IL1R2: variants seen among roughly 807,000 people sequenced by gnomAD.
The protein encoded by IL1R2 is interleukin-1 receptor type 2.
Under a neutral mutation model 39.5 loss-of-function variants are expected in IL1R2, and 46 were observed. The ratio of observed to expected loss-of-function variants is 1.16; its 90% CI spans 0.92 to 1.49. The LOEUF (loss-of-function observed/expected upper bound fraction) is 1.49, where lower values mean the gene tolerates loss of function less well. IL1R2 is among the 40% of genes most tolerant of loss of function. The pLI, the probability that IL1R2 is intolerant of heterozygous loss-of-function variation, is 0.00. For missense variants in IL1R2, 537 were observed against 502.0 expected (o/e 1.07, Z -0.67); for synonymous variants, 207 against 189.6 (o/e 1.09, Z -0.75).
At chr2:102,016,998 G>A (rs149772365) in intron 4 of IL1R2, among the ~76,000 whole-genome samples, 123 of 152,244 alleles carry the variant, frequency 8.1e-4, no homozygotes, top group African/African-American at 2.8e-3. Context: ...TGAAGACAGA[G>A]TACATAACAG....
intron 6 of IL1R2, among the ~76,000 whole-genome samples, chr2:102,024,268 G>A (rs948530303): frequency 1.8e-4 from 27 of 152,176 alleles, no homozygotes; most frequent in African/African-American, 6.5e-4. Flanking sequence ...CCGTGGGAGC[G>A]CAGGGGCCCT....
chr2:101,993,436 G>C (rs772124332), intron 1 of IL1R2, among the ~76,000 whole-genome samples: 1 of 152,160 alleles, frequency 6.6e-6, no homozygotes, highest in Non-Finnish European at 1.5e-5. Flanking sequence ...GGGGAAGAAG[G>C]TCATGAGTGA....
At chr2:102,015,765 A>G in intron 3 of IL1R2, 106 bp from the exon 4 acceptor site, 1 of 897,248 alleles carries the variant, frequency 1.1e-6, no homozygotes, top group Non-Finnish European at 1.7e-6. Flanking sequence ...TAATCCAGAA[A>G]ATGCAGATGC....
At position 102,019,959 on chromosome 2, in the gene IL1R2, G is replaced by T. The variant is rs183698733; in HGVS notation, c.688+147G>T. 149 of 665,226 alleles carry T rather than the reference G, an allele frequency of 2.2e-4. No individual in the cohort carries two copies. In the East Asian group the frequency reaches 3.9e-3, roughly 17 times the overall value. The allele number at this position is 665,226 out of a possible 1,614,324, so 41.2% of individuals were successfully genotyped here. On this transcript the variant is annotated intron_variant, in intron 5 of 8. Transcript: ENST00000332549. ...TCCATCAGCTCTCCTGAAGCATCAG[G>T]TTAATAAGACGTGTGTGATACTTTG...
At chr2:102,001,854 C>T (rs778605875) in intron 1 of IL1R2, 5 of 152,088 alleles carry the variant, frequency 3.3e-5, no homozygotes, top group Non-Finnish European at 5.9e-5. Context: ...AAAACATGTT[C>T]GGGCTCCTAG....
At chr2:102,028,044 A>G (rs892424580) in intron 8 of IL1R2, among the ~76,000 whole-genome samples, 182 bp from the exon 9 acceptor site, 1 of 152,230 alleles carries the variant, frequency 6.6e-6, no homozygotes, top group African/African-American at 2.4e-5. Context: ...CTCTAATGCC[A>G]CAGACATCAC....
chr2:102,008,527 T>C lies in IL1R2; in HGVS notation c.-49T>C, dbSNP rs563589130. The C allele has an allele frequency of 6.7e-7, 1 of 1,485,564 alleles. No individual in the cohort carries two copies. Among genetic ancestry groups the C allele is most frequent in the South Asian group, 1.1e-5 (1 of 88,526 alleles). 92.0% of individuals were successfully genotyped at this position (1,485,564 alleles called of 1,614,324 possible). On this transcript the variant is annotated 5_prime_UTR_variant, in exon 2 of 9. Transcript: ENST00000332549. ...TTTCCTCCCCTAGGCCACGTGCTGC[T>C]GGGTCTCAGTCCTCCACTTCCCGTG...
At position 102,026,217 on chromosome 2, in the gene IL1R2, C is replaced by A. The variant is rs929117282; in HGVS notation, c.994C>A (p.Leu332Met). ...TTTTAAATGTGTTGTCCATAATACC[C>A]TGAGTTTTCAGACACTACGCACCAC... ...MDFKCVVHNT[L>M]SFQTLRTTVK... Residue 332 changes from leucine (L) to methionine (M), a missense_variant, in exon 8 of 9, where the codon CTG becomes ATG. By Grantham distance (15) the Leu-to-Met change is conservative. Transcript: ENST00000332549. 9 of 1,613,168 alleles carry A rather than the reference C, an allele frequency of 5.6e-6. No individual in the cohort carries two copies. Among genetic ancestry groups the A allele is most frequent in the African/African-American group, 4.0e-5 (3 of 74,880 alleles).
rs573298179 is a variant in IL1R2, at chr2:102,019,923, C to T, written c.688+111C>T. ...TGCAGGTCTTTGGAATGAAGGATAA[C>T]GGAAAACAGATCCATCAGCTCTCCT... On this transcript the variant is annotated intron_variant, in intron 5 of 8. Coordinates refer to ENST00000332549, the MANE Select transcript of IL1R2 (RefSeq NM_004633.4). 2.5e-4 allele frequency: 219 copies of T among 863,136 alleles called. 2 individuals carry two copies. In the South Asian group the frequency reaches 2.9e-3, roughly 11 times the overall value. The allele number at this position is 863,136 out of a possible 1,614,324, so 53.5% of individuals were successfully genotyped here.
chr2:102,018,861 T>G (rs1312959133), intron 4 of IL1R2, among the ~76,000 whole-genome samples: 1 of 152,212 alleles, frequency 6.6e-6, no homozygotes, highest in Non-Finnish European at 1.5e-5. Context: ...TCCTTTCAAT[T>G]AAATATGTTC....
At chr2:101,992,115 CAG>C (rs1257015954) in intron 1 of IL1R2, 104 bp downstream of exon 1, 3 of 125,226 alleles carry the variant, frequency 2.4e-5, no homozygotes, top group Non-Finnish European at 5.2e-5. Context: ...GAGAGGGAGG[CAG>C]AGAGAGAGGG....
intron 3 of IL1R2, among the ~76,000 whole-genome samples, chr2:102,014,445 C>G (rs919190731): frequency 2.6e-5 from 4 of 152,154 alleles, no homozygotes; most frequent in African/African-American, 9.7e-5. Flanking sequence ...TCCTCAGTTG[C>G]CTTTATTCAA....
rs139210056 is a variant in IL1R2 at position 102,008,960 on chromosome 2, T to C, written c.67+318T>C. On this transcript the variant is annotated intron_variant, in intron 2 of 8. Transcript: ENST00000332549. Reference sequence around the variant, plus strand: ...AGAGGAGTGCTTGAACCCAGGGAGGTTGAGGCTGCAGTGAGTGGAGATTGC... The same window carrying C: ...AGAGGAGTGCTTGAACCCAGGGAGGCTGAGGCTGCAGTGAGTGGAGATTGC... Among the ~76,000 whole-genome samples the C allele has an allele frequency of 8.9e-3, 1,294 of 145,118 alleles. 21 individuals carry two copies. The highest frequency in any genetic ancestry group is 0.032 in the African/African-American group (1,238 of 38,978).
In IL1R2 at chr2:102,006,101, C is replaced by G. The variant is rs17026390; in HGVS notation, c.-61-2414C>G. ...AAAACACCAGCTTTGACTTCATTTA[C>G]TTATCCTGATATATGGTATTGGTTA... On this transcript the variant is annotated intron_variant, in intron 1 of 8. Transcript: ENST00000332549. Among the ~76,000 whole-genome samples the G allele has an allele frequency of 6.2e-3, 947 of 152,330 alleles. 10 individuals are homozygous for G. Among genetic ancestry groups the G allele is most frequent in the African/African-American group, 0.022 (903 of 41,574 alleles).
In IL1R2 at chr2:102,009,980, C is replaced by A. The variant is rs189070137; in HGVS notation, c.332+154C>A. 4.6e-4 allele frequency: 370 copies of A among 812,164 alleles called. No individual in the cohort carries two copies. In the East Asian group the frequency reaches 8.7e-3, roughly 19 times the overall value. 50.3% of individuals were successfully genotyped at this position (812,164 alleles called of 1,614,324 possible). A position where few individuals can be genotyped will look rare whatever the true frequency, so the allele number is the denominator to read the frequency against. On this transcript the variant is annotated intron_variant, in intron 3 of 8. Coordinates refer to ENST00000332549, the MANE Select transcript of IL1R2 (RefSeq NM_004633.4). ...CCGTTTGCTGTTCCTGACACCCCCC[C>A]CAACCCTACAGTCTCATTCTGTCTC...
intron 6 of IL1R2, among the ~76,000 whole-genome samples, chr2:102,022,570 A>G (rs1045290413): frequency 2.0e-5 from 3 of 152,280 alleles, no homozygotes; most frequent in Admixed American, 6.5e-5. Flanking sequence ...GATGAACAGC[A>G]TGAACCCCAG....
chr2:102,009,903 G>A, intron 3 of IL1R2, 77 bp downstream of exon 3: 1 of 1,497,864 alleles, frequency 6.7e-7, no homozygotes, highest in Non-Finnish European at 9.1e-7. Context: ...TCATGATCCG[G>A]ATCTCAGAAT....
In IL1R2 at chr2:102,002,402, GTGTCTA is replaced by G. The variant is rs1049160775; in HGVS notation, c.-61-6095_-61-6090del. Among the ~76,000 whole-genome samples, 6 of 146,294 alleles carry G rather than the reference GTGTCTA, an allele frequency of 4.1e-5. No individual in the cohort carries two copies. The East Asian group carries it at 6.1e-4, about 15-fold the overall frequency. ...TAAGTCTAGGTCTAGGTCTGTGTCT[GTGTCTA>G]TGTCTATGTCTATGTCTGTGACTTT... On this transcript the variant is annotated intron_variant, in intron 1 of 8. Coordinates refer to ENST00000332549, the MANE Select transcript of IL1R2 (RefSeq NM_004633.4).
chr2:102,010,023 A>C, intron 3 of IL1R2, 197 bp downstream of exon 3: 2 of 632,470 alleles, frequency 3.2e-6, no homozygotes, highest in Non-Finnish European at 5.4e-6. Context: ...TCTTTGCTCA[A>C]ATGCCACCTC....
Sources: gnomAD v4.1 joint callset for allele counts (sites outside exome capture counted in the v4.1 genomes callset) on GRCh38, gnomAD v4.1.1 for gene constraint, MANE v1.5 for transcripts, NCBI Gene and HGNC (gene_info 2026-07-23, HGNC 2026-07-21) for gene names.